EFR3A: variants seen among roughly 807,000 people sequenced by gnomAD.
The protein encoded by EFR3A is EFR3 homolog A.
In EFR3A, 76 loss-of-function variants were observed where a neutral mutation model predicts 104.4. That is an observed-to-expected ratio of 0.73 (90% CI 0.60 to 0.88). EFR3A has a LOEUF of 0.88. EFR3A is among the 40% of genes least tolerant of loss of function. The pLI, the probability that EFR3A is intolerant of heterozygous loss-of-function variation, is 0.00. For synonymous variants in EFR3A, 330 were observed against 330.0 expected, an observed-to-expected ratio of 1.00 and a Z score of 0.00; for missense variants, 985 against 1,012.5, an observed-to-expected ratio of 0.97 and a Z score of 0.37.
chr8:131,952,305 G>T (rs757078027), intron 5 of EFR3A, among the ~76,000 whole-genome samples: 19 of 152,118 alleles, frequency 1.2e-4, no homozygotes, highest in African/African-American at 4.6e-4. Context: ...TGTGACAGTT[G>T]TTCTATTTTA....
chr8:131,904,511 G>C (rs1483107724), intron 1 of EFR3A, among the ~76,000 whole-genome samples, 189 bp downstream of exon 1: 3 of 152,384 alleles, frequency 2.0e-5, no homozygotes, highest in African/African-American at 4.8e-5. Flanking sequence ...CCGTTGCACG[G>C]ATCGGGAAAC....
chr8:131,940,267 G>T (rs781263913), intron 1 of EFR3A: 1 of 479,702 alleles, frequency 2.1e-6, no homozygotes, highest in African/African-American at 2.0e-5. Flanking sequence ...TGAATTTGGC[G>T]GGATGTGTAT....
At chr8:131,987,996 CT>C (rs1820980005) in intron 18 of EFR3A, among the ~76,000 whole-genome samples, 1 of 151,880 alleles carries the variant, frequency 6.6e-6, no homozygotes, top group Non-Finnish European at 1.5e-5. Context: ...GAGATCTTTT[CT>C]CATTAAATGA....
chr8:131,933,411 G>A lies in EFR3A; in HGVS notation c.11-7088G>A, dbSNP rs542964139. On this transcript the variant is annotated intron_variant, in intron 1 of 22. Transcript: ENST00000254624. The stretch of plus-strand genomic sequence containing the variant: ...TGCAGCTTTGGTTTCTCTTTCATCC[G>A]TTGGGTTGTTTCCTATTTTGCAAAC... 1.8e-3 allele frequency among the ~76,000 whole-genome samples: 281 copies of A among 152,200 alleles called. 2 individuals carry two copies. Among genetic ancestry groups the A allele is most frequent in the African/African-American group, 6.6e-3 (273 of 41,530 alleles).
intron 5 of EFR3A, among the ~76,000 whole-genome samples, chr8:131,951,238 G>C (rs993822162): frequency 4.6e-5 from 7 of 152,090 alleles, no homozygotes; most frequent in African/African-American, 1.7e-4. Context: ...TCAGGTATAA[G>C]ATTTGTTTTT....
intron 18 of EFR3A, among the ~76,000 whole-genome samples, chr8:131,993,382 C>G (rs13439822): frequency 6.6e-6 from 1 of 151,946 alleles, no homozygotes; most frequent in African/African-American, 2.4e-5. Context: ...AGAACCCCTC[C>G]TAACCACAGA....
intron 1 of EFR3A, among the ~76,000 whole-genome samples, chr8:131,923,769 G>C (rs1817168416): frequency 6.6e-6 from 1 of 152,014 alleles, no homozygotes; most frequent in African/African-American, 2.4e-5. Context: ...AACCTTATTT[G>C]CCAGTGCGCA....
At chr8:131,930,622 C>G (rs531445311) in intron 1 of EFR3A, among the ~76,000 whole-genome samples, 14 of 152,138 alleles carry the variant, frequency 9.2e-5, no homozygotes, top group Non-Finnish European at 1.8e-4. Flanking sequence ...TGACATGAGT[C>G]TGCTAAGTAT....
At chr8:131,936,745 G>A (rs1231509935) in intron 1 of EFR3A, among the ~76,000 whole-genome samples, 1 of 152,110 alleles carries the variant, frequency 6.6e-6, no homozygotes, top group African/African-American at 2.4e-5. Flanking sequence ...CAGATGAACA[G>A]CCGGATGGAA....
chr8:131,984,117 G>A, intron 14 of EFR3A, 22 bp from the exon 15 acceptor site: 1 of 1,573,428 alleles, frequency 6.4e-7, no homozygotes, highest in Non-Finnish European at 8.6e-7. Flanking sequence ...AATTACCTTT[G>A]TCCTCTGTCT....
intron 22 of EFR3A, among the ~76,000 whole-genome samples, chr8:132,006,821 G>T (rs1452968334): frequency 6.6e-6 from 1 of 151,874 alleles, no homozygotes; most frequent in Admixed American, 6.6e-5. Flanking sequence ...AATAAATGGG[G>T]TTACTATGAG....
chr8:131,999,700 TAAA>T (rs200463770), intron 19 of EFR3A, among the ~76,000 whole-genome samples: 1 of 141,350 alleles, frequency 7.1e-6, no homozygotes, highest in Non-Finnish European at 1.6e-5. Context: ...CAGTTAGTCT[TAAA>T]AAAAAAAAAA....
intron 18 of EFR3A, 141 bp downstream of exon 18, chr8:131,987,843 T>A: frequency 1.2e-6 from 1 of 859,918 alleles, no homozygotes; most frequent in Non-Finnish European, 1.7e-6. Flanking sequence ...TTAAGAGTAT[T>A]TACTTCTGTT....
chr8:131,964,002 C>G (rs1301261044), intron 8 of EFR3A, among the ~76,000 whole-genome samples: 1 of 152,116 alleles, frequency 6.6e-6, no homozygotes, highest in Non-Finnish European at 1.5e-5. Context: ...GCAGAAAAGG[C>G]CTTTGACAAA....
chr8:131,959,781 G>T lies in EFR3A; in HGVS notation c.855+118G>T. The T allele has an allele frequency of 5.1e-6, 3 of 589,640 alleles. No homozygotes were observed. In the South Asian group the frequency reaches 1.0e-4, roughly 20 times the overall value. The allele number at this position is 589,640 out of a possible 1,614,324, so 36.5% of individuals were successfully genotyped here. On this transcript the variant is annotated intron_variant, in intron 8 of 22. Transcript: ENST00000254624. Reference sequence around the variant, plus strand: ...GATATAAATCATTGCTCTTAATTTAGCTCTTTTGTCTCATTCATTTTCATT... The same window carrying T: ...GATATAAATCATTGCTCTTAATTTATCTCTTTTGTCTCATTCATTTTCATT...
At chr8:131,989,197 C>T (rs1175955896) in intron 18 of EFR3A, among the ~76,000 whole-genome samples, 1 of 152,082 alleles carries the variant, frequency 6.6e-6, no homozygotes, top group Non-Finnish European at 1.5e-5. Context: ...TACCTTAATG[C>T]AGAAACAGAA....
Position 131,976,098 on chromosome 8 carries a change from G to A in EFR3A, c.1231G>A (p.Val411Ile). 6.2e-7 allele frequency: 1 copy of A among 1,605,558 alleles called. No individual in the cohort carries two copies. Among genetic ancestry groups the A allele is most frequent in the Non-Finnish European group, 8.5e-7 (1 of 1,175,372 alleles). ...IMMFIMGKVP[V>I]FGTSTHTLDI... ...GATGTTCATTATGGGGAAAGTACCT[G>A]TCTTTGGAACATCTACCCATACTTT... is the stretch of plus-strand genomic sequence containing the variant. The change falls in exon 11 of 23, where the codon GTC (valine) becomes ATC (isoleucine). Residue 411 changes from valine (V) to isoleucine (I), a missense_variant. By Grantham distance (29) the Val-to-Ile change is conservative (BLOSUM62 3). Transcript: ENST00000254624.
At chr8:131,909,681 A>G (rs1468243321) in intron 1 of EFR3A, among the ~76,000 whole-genome samples, 6 of 152,174 alleles carry the variant, frequency 3.9e-5, no homozygotes, top group Non-Finnish European at 7.3e-5. Context: ...TTCAGTCTTT[A>G]CACTATTGAT....
intron 7 of EFR3A, among the ~76,000 whole-genome samples, chr8:131,958,489 C>A (rs1330818076): frequency 6.6e-6 from 1 of 152,080 alleles, no homozygotes; most frequent in Non-Finnish European, 1.5e-5. Flanking sequence ...GAACAGGTAG[C>A]CATGTTCAAA....
Sources: gnomAD v4.1 joint callset for allele counts (sites outside exome capture counted in the v4.1 genomes callset) on GRCh38, gnomAD v4.1.1 for gene constraint, MANE v1.5 for transcripts, NCBI Gene and HGNC (gene_info 2026-07-23, HGNC 2026-07-21) for gene names.